Variants in ENTPD6 observed in about 807,000 individuals in gnomAD.
The protein encoded by ENTPD6 is ectonucleoside triphosphate diphosphohydrolase 6, also known as CD39 antigen-like 2.
Under a neutral mutation model 61.5 loss-of-function variants are expected in ENTPD6, and 46 were observed. The ratio of observed to expected loss-of-function variants is 0.75; its 90% confidence interval spans 0.59 to 0.96. The LOEUF (loss-of-function observed/expected upper bound fraction) is 0.96, where lower values mean the gene tolerates loss of function less well. Ranked by LOEUF, ENTPD6 falls within the 40% of genes least tolerant of loss-of-function variation. The probability of loss-of-function intolerance (pLI) is 0.00; values close to 1 mark genes in which losing one functional copy is unlikely to be tolerated. For synonymous variants in ENTPD6, 252 were observed against 255.5 expected, an observed-to-expected ratio of 0.99 and a Z score of 0.13; for missense variants, 612 against 629.0, an observed-to-expected ratio of 0.97 and a Z score of 0.29.
Position 25,218,550 on chromosome 20 carries a change from C to A in ENTPD6, c.879C>A (p.Ser293Arg). 4 of 1,604,484 alleles carry A rather than the reference C, an allele frequency of 2.5e-6. No individual in the cohort carries two copies. The highest frequency in any genetic ancestry group is 1.7e-5 in the Admixed American group (1 of 59,060). Residue 293 changes from serine to arginine, a missense_variant and splice_region_variant, in exon 10 of 15, where the codon AGC becomes AGA. Transcript: ENST00000376652. ...FNRTYKLYSY[S>R]YLGLGLMSAR... ...CCTCACTGAGGTGTCATTCCCACAG[C>A]TACCTCGGGCTCGGGCTGATGTCGG... is the stretch of plus-strand genomic sequence containing the variant.
chr20:25,214,993 T>C, intron 6 of ENTPD6, 51 bp downstream of exon 6: 2 of 1,268,056 alleles, frequency 1.6e-6, no homozygotes, highest in Middle Eastern at 1.9e-4. Flanking sequence ...GTGAGGTGGG[T>C]GGGAGCAATC....
chr20:25,199,009 G>A (rs1329815942), intron 1 of ENTPD6, among the ~76,000 whole-genome samples: 1 of 152,190 alleles, frequency 6.6e-6, no homozygotes, highest in African/African-American at 2.4e-5. Flanking sequence ...TATGATGCCT[G>A]CATCTTCCTC....
chr20:25,224,306 G>A (rs958107111), intron 13 of ENTPD6, 149 bp downstream of exon 13: 12 of 593,772 alleles, frequency 2.0e-5, no homozygotes, highest in South Asian at 7.3e-5. Context: ...AAGGACCACC[G>A]TCCTTGTCCC....
At chr20:25,214,173 G>A (rs1392095642) in intron 5 of ENTPD6, among the ~76,000 whole-genome samples, 1 of 152,174 alleles carries the variant, frequency 6.6e-6, no homozygotes, top group Non-Finnish European at 1.5e-5. Flanking sequence ...CCAGCATTCC[G>A]CAGTGGGTCC....
intron 5 of ENTPD6, 31 bp downstream of exon 5, chr20:25,213,437 C>A: frequency 6.3e-7 from 1 of 1,576,788 alleles, no homozygotes; most frequent in South Asian, 1.2e-5. Flanking sequence ...GTGCCATTAG[C>A]CAGCCCTCAG....
rs1376468810 is a variant in ENTPD6 at position 25,225,247 on chromosome 20, C to T, written c.1286C>T (p.Ser429Leu). 1 of 1,613,640 alleles carries T rather than the reference C, an allele frequency of 6.2e-7. No homozygotes were observed. Among genetic ancestry groups the T allele is most frequent in the African/African-American group, 1.3e-5 (1 of 75,048 alleles). Residue 429 changes from serine (S) to leucine (L), a missense_variant, in exon 14 of 15, where the codon TCA (serine) becomes TTA (leucine). Transcript: ENST00000376652. ...ACACAGCCGCAGAGCAGCCCCTTCT[C>T]ATGCATGGACCTCACCTACGTCAGC... ...LETQPQSSPF[S>L]CMDLTYVSLL...
chr20:25,213,545 A>G, intron 5 of ENTPD6, 139 bp downstream of exon 5: 1 of 788,366 alleles, frequency 1.3e-6, no homozygotes, highest in Non-Finnish European at 2.0e-6. Flanking sequence ...CATCACTTTT[A>G]GGTGGAGGGA....
chr20:25,219,940 C>T (rs2092555085), intron 10 of ENTPD6, among the ~76,000 whole-genome samples: 1 of 152,186 alleles, frequency 6.6e-6, no homozygotes, highest in South Asian at 2.1e-4. Context: ...AGCTGCAGCC[C>T]TTATTCTGGG....
intron 1 of ENTPD6, chr20:25,196,286 G>A: frequency 1.0e-6 from 1 of 986,332 alleles, no homozygotes; most frequent in Non-Finnish European, 1.2e-6. Flanking sequence ...AGGACTGAGG[G>A]TGTAAGGACG....
chr20:25,201,066 T>C (rs1283941287), intron 1 of ENTPD6, among the ~76,000 whole-genome samples: 1 of 152,252 alleles, frequency 6.6e-6, no homozygotes, highest in East Asian at 1.9e-4. Context: ...CTTCTTTGAC[T>C]CTTCAGTTGT....
chr20:25,198,171 G>A (rs186138005), intron 1 of ENTPD6, among the ~76,000 whole-genome samples: 1 of 152,220 alleles, frequency 6.6e-6, no homozygotes, highest in Admixed American at 6.5e-5. Context: ...GACTAACATA[G>A]GACATGATAA....
chr20:25,214,908 T>C lies in ENTPD6; in HGVS notation c.639T>C (p.Asp213=). ...AAGCATCGCCTTTCCTTGTAGGGGA[T>C]GACTGTGTTTCCATCATGAACGGAA... ...VFKASPFLVG[D]DCVSIMNGTD... is the part of the protein sequence containing the mutation. The change falls in exon 6 of 15, where the codon GAT becomes GAC. Residue 213 remains aspartate (D), a synonymous_variant. Coordinates refer to ENST00000376652, the MANE Select transcript of ENTPD6 (RefSeq NM_001247.5). 6.2e-7 allele frequency: 1 copy of C among 1,609,138 alleles called. No homozygotes were observed. Among genetic ancestry groups the C allele is most frequent in the Non-Finnish European group, 8.5e-7 (1 of 1,175,458 alleles).
At chr20:25,223,029 G>T (rs1216937116) in intron 12 of ENTPD6, 51 bp downstream of exon 12, 2 of 1,462,342 alleles carry the variant, frequency 1.4e-6, no homozygotes, top group South Asian at 1.2e-5. Context: ...GCAGGGGGCG[G>T]GGGTGGAGGG....
Position 25,226,739 on chromosome 20 carries a change from C to G in ENTPD6, c.*1142C>G, listed in dbSNP as rs6115092. The G allele has an allele frequency of 6.6e-6, 1 of 152,314 alleles. No homozygotes were observed. Among genetic ancestry groups the G allele is most frequent in the Non-Finnish European group, 1.5e-5 (1 of 68,110 alleles). 9.4% of individuals were successfully genotyped at this position (152,314 alleles called of 1,614,324 possible). A position where few individuals can be genotyped will look rare whatever the true frequency, so the allele number is the denominator to read the frequency against. Reference sequence around the variant, plus strand: ...GCTTCTCCTTCTCTGGGATTCCTCTCGTTGAGCGACAGTAGCATTTGCCCA... The same window carrying G: ...GCTTCTCCTTCTCTGGGATTCCTCTGGTTGAGCGACAGTAGCATTTGCCCA... On this transcript the variant is annotated 3_prime_UTR_variant, in exon 15 of 15. Transcript: ENST00000376652.
intron 1 of ENTPD6, among the ~76,000 whole-genome samples, chr20:25,205,736 A>C (rs976629900): frequency 2.0e-5 from 3 of 152,182 alleles, no homozygotes; most frequent in African/African-American, 4.8e-5. Flanking sequence ...TGGCCAGGCC[A>C]CTGGTGAGGC....
chr20:25,200,127 C>T (rs2090916483), intron 1 of ENTPD6, among the ~76,000 whole-genome samples: 1 of 152,204 alleles, frequency 6.6e-6, no homozygotes, highest in Non-Finnish European at 1.5e-5. Flanking sequence ...CACATCCTCA[C>T]TAATACTTGT....
intron 4 of ENTPD6, among the ~76,000 whole-genome samples, chr20:25,210,718 G>T (rs1312516836): frequency 6.6e-6 from 1 of 152,132 alleles, no homozygotes; most frequent in Non-Finnish European, 1.5e-5. Flanking sequence ...GACGCGGGTG[G>T]ATCACCTGAG....
rs771989731 is a variant in ENTPD6, at chr20:25,224,244, G to A, written c.1243+87G>A. On this transcript the variant is annotated intron_variant, in intron 13 of 14. Transcript: ENST00000376652. ...GGCGCTGGCCCTGACTCTCCTGGGT[G>A]TAGCCCCTCCTAAACAATGGCCACA... 41 of 1,241,134 alleles carry A rather than the reference G, an allele frequency of 3.3e-5. 1 individual carries two copies. The Middle Eastern group carries it at 8.5e-4, about 26-fold the overall frequency. The allele number at this position is 1,241,134 out of a possible 1,614,324, so 76.9% of individuals were successfully genotyped here.
At chr20:25,200,074 A>G (rs1013219344) in intron 1 of ENTPD6, among the ~76,000 whole-genome samples, 5 of 152,190 alleles carry the variant, frequency 3.3e-5, no homozygotes, top group African/African-American at 1.2e-4. Context: ...CAGCTGCACC[A>G]TCTGACTTTC....
Sources: gnomAD v4.1 joint callset for allele counts (sites outside exome capture counted in the v4.1 genomes callset) on GRCh38, gnomAD v4.1.1 for gene constraint, MANE v1.5 for transcripts, NCBI Gene and HGNC (gene_info 2026-07-23, HGNC 2026-07-21) for gene names.